The following NKAIN2 variants were observed in gnomAD, a reference collection of about 807,000 sequenced individuals.
NKAIN2 encodes the protein sodium/potassium-transporting ATPase subunit beta-1-interacting protein 2.
Under a neutral mutation model 32.6 loss-of-function variants are expected in NKAIN2, and 14 were observed. That is an observed-to-expected ratio of 0.43 (90% CI 0.28 to 0.67). The LOEUF (loss-of-function observed/expected upper bound fraction) is 0.67, where lower values mean the gene tolerates loss of function less well. NKAIN2 is among the 30% of genes least tolerant of loss of function. The pLI is 0.17. For synonymous variants in NKAIN2, 80 were observed against 87.2 expected (o/e 0.92, Z 0.46); for missense variants, 198 against 258.3 (o/e 0.77, Z 1.60).
At chr6:124,009,979 C>T (rs1435628330) in intron 1 of NKAIN2, among the ~76,000 whole-genome samples, 1 of 151,974 alleles carries the variant, frequency 6.6e-6, no homozygotes, top group African/African-American at 2.4e-5. Flanking sequence ...TGGGAGCCTT[C>T]GTTCATAAAT....
At chr6:123,955,366 G>T (rs536348187) in intron 1 of NKAIN2, among the ~76,000 whole-genome samples, 71 of 151,926 alleles carry the variant, frequency 4.7e-4, no homozygotes, top group African/African-American at 1.7e-3. Flanking sequence ...TACATTATTT[G>T]ATTGTTACAG....
At chr6:124,749,288 AAC>A (rs1216837022) in intron 4 of NKAIN2, among the ~76,000 whole-genome samples, 1 of 151,920 alleles carries the variant, frequency 6.6e-6, no homozygotes. Flanking sequence ...CCTGTGACTG[AAC>A]ACAGTCCATC....
intron 3 of NKAIN2, among the ~76,000 whole-genome samples, chr6:124,438,888 A>ATT (rs1562185369): frequency 3.4e-4 from 52 of 152,026 alleles, no homozygotes; most frequent in African/African-American, 1.3e-3. Context: ...TCCTTTTATA[A>ATT]GTGTATTTTT....
At chr6:124,583,802 C>T (rs1781610313) in intron 3 of NKAIN2, among the ~76,000 whole-genome samples, 1 of 152,084 alleles carries the variant, frequency 6.6e-6, no homozygotes, top group Non-Finnish European at 1.5e-5. Context: ...GACACATAGA[C>T]CAATGGAACA....
At chr6:124,087,434 G>A (rs991968592) in intron 1 of NKAIN2, among the ~76,000 whole-genome samples, 1 of 151,474 alleles carries the variant, frequency 6.6e-6, no homozygotes, top group Non-Finnish European at 1.5e-5. Flanking sequence ...TTCAGTAAGA[G>A]AAGAAAAGGG....
intron 5 of NKAIN2, among the ~76,000 whole-genome samples, chr6:124,793,555 CATT>C (rs1369940724): frequency 6.6e-6 from 1 of 151,808 alleles, no homozygotes; most frequent in Non-Finnish European, 1.5e-5. Context: ...GATACCAGTG[CATT>C]TTTATCTTCA....
intron 3 of NKAIN2, among the ~76,000 whole-genome samples, chr6:124,421,398 C>T (rs1774743220): frequency 6.6e-6 from 1 of 152,140 alleles, no homozygotes; most frequent in Non-Finnish European, 1.5e-5. Context: ...CTCAGTTACC[C>T]AGAACCTATC....
chr6:124,553,465 A>T (rs1309031378), intron 3 of NKAIN2, among the ~76,000 whole-genome samples: 2 of 152,016 alleles, frequency 1.3e-5, no homozygotes, highest in African/African-American at 2.4e-5. Context: ...GCGCCACCAC[A>T]GCCATGTAAT....
chr6:124,124,929 T>C (rs1276444859), intron 1 of NKAIN2, among the ~76,000 whole-genome samples: 1 of 152,178 alleles, frequency 6.6e-6, no homozygotes, highest in Non-Finnish European at 1.5e-5. Flanking sequence ...TCTGCACTTA[T>C]TCAAATAACA....
At chr6:124,147,273 T>C (rs1787456795) in intron 1 of NKAIN2, among the ~76,000 whole-genome samples, 1 of 152,168 alleles carries the variant, frequency 6.6e-6, no homozygotes, top group Non-Finnish European at 1.5e-5. Context: ...TCATTATGAG[T>C]GTTCAGGTCA....
intron 3 of NKAIN2, among the ~76,000 whole-genome samples, chr6:124,577,784 G>A (rs889406569): frequency 6.6e-6 from 1 of 152,154 alleles, no homozygotes; most frequent in African/African-American, 2.4e-5. Context: ...GCAGCTCACA[G>A]CTCTAGGAGA....
intron 1 of NKAIN2, among the ~76,000 whole-genome samples, chr6:124,041,797 G>A (rs995507319): frequency 6.6e-6 from 1 of 152,066 alleles, no homozygotes; most frequent in Non-Finnish European, 1.5e-5. Context: ...TCACTGAATT[G>A]TAATGCTGTT....
intron 1 of NKAIN2, among the ~76,000 whole-genome samples, chr6:124,026,208 T>A (rs1781105520): frequency 1.3e-5 from 2 of 152,202 alleles, no homozygotes; most frequent in South Asian, 4.1e-4. Context: ...TAAAACTTTT[T>A]AAAAATGAAT....
intron 1 of NKAIN2, among the ~76,000 whole-genome samples, chr6:124,204,111 T>C (rs1418243734): frequency 1.3e-5 from 2 of 151,874 alleles, no homozygotes; most frequent in African/African-American, 4.8e-5. Flanking sequence ...CTGCTCTTAT[T>C]ACACCTAAAC....
intron 4 of NKAIN2, among the ~76,000 whole-genome samples, chr6:124,753,786 T>C (rs1367242232): frequency 1.3e-5 from 2 of 151,918 alleles, no homozygotes; most frequent in African/African-American, 2.4e-5. Context: ...GGAGGTGTAA[T>C]TGGGGTTAAT....
chr6:124,773,051 G>A (rs1408631280), intron 4 of NKAIN2, among the ~76,000 whole-genome samples: 1 of 152,204 alleles, frequency 6.6e-6, no homozygotes, highest in East Asian at 1.9e-4. Flanking sequence ...CTAAGGCTGA[G>A]GGATGTGAGA....
At chr6:124,716,088 A>C (rs1402241022) in intron 4 of NKAIN2, among the ~76,000 whole-genome samples, 6 of 152,220 alleles carry the variant, frequency 3.9e-5, no homozygotes, top group Non-Finnish European at 2.9e-5. Flanking sequence ...AGAGTTATTT[A>C]TTAAAAGATA....
rs1783541487 is a variant in NKAIN2 at position 124,073,289 on chromosome 6, G to A, written c.55-209716G>A. Among the ~76,000 whole-genome samples, 2 of 152,302 alleles carry A rather than the reference G, an allele frequency of 1.3e-5. 1 individual carries two copies. Among genetic ancestry groups the A allele is most frequent in the Non-Finnish European group, 2.9e-5 (2 of 68,036 alleles). Reference sequence around the variant, plus strand: ...AATGTTTCAGTCTTGAAGGGAGGCCGGCACAGCGTGCCATCTCATTCACTA... The same window carrying A: ...AATGTTTCAGTCTTGAAGGGAGGCCAGCACAGCGTGCCATCTCATTCACTA... On this transcript the variant is annotated intron_variant, in intron 1 of 6. Coordinates refer to ENST00000368417, the MANE Select transcript of NKAIN2 (RefSeq NM_001040214.3).
chr6:124,236,246 T>C (rs1792752981), intron 1 of NKAIN2, among the ~76,000 whole-genome samples: 3 of 152,146 alleles, frequency 2.0e-5, no homozygotes, highest in Admixed American at 2.0e-4. Context: ...AAGAAGCTTA[T>C]AATGTAGCAT....
Sources: gnomAD v4.1 joint callset for allele counts (sites outside exome capture counted in the v4.1 genomes callset) on GRCh38, gnomAD v4.1.1 for gene constraint, MANE v1.5 for transcripts, NCBI Gene and HGNC (gene_info 2026-07-23, HGNC 2026-07-21) for gene names.